Variants in EZH2 observed in about 807,000 individuals in gnomAD.
EZH2 encodes the protein enhancer of zeste 2 polycomb repressive complex 2 subunit.
In EZH2, 18 loss-of-function variants were observed where a neutral mutation model predicts 98.4. That is an observed-to-expected ratio of 0.18 (90% confidence interval 0.13 to 0.27). The LOEUF is 0.27. Ranked by LOEUF, EZH2 falls within the 10% of genes least tolerant of loss-of-function variation. The pLI is 1.00. For synonymous variants in EZH2, 338 were observed against 312.3 expected, an observed-to-expected ratio of 1.08 and a Z score of -0.87; for missense variants, 470 against 935.1, an observed-to-expected ratio of 0.50 and a Z score of 6.49.
chr7:148,827,959 A>C (rs1426210588), intron 6 of EZH2, among the ~76,000 whole-genome samples: 5 of 152,220 alleles, frequency 3.3e-5, no homozygotes, highest in Non-Finnish European at 7.3e-5. Flanking sequence ...CTACTAAAAA[A>C]TACAAAAAAT....
intron 1 of EZH2, among the ~76,000 whole-genome samples, chr7:148,882,614 A>AT (rs1821171809): frequency 6.6e-6 from 1 of 152,242 alleles, no homozygotes; most frequent in African/African-American, 2.4e-5. Context: ...GCTAATGCTT[A>AT]TGAAGAGTAA....
At chr7:148,867,899 C>G (rs1585271643) in intron 1 of EZH2, among the ~76,000 whole-genome samples, 1 of 152,160 alleles carries the variant, frequency 6.6e-6, no homozygotes, top group Non-Finnish European at 1.5e-5. Context: ...TCAACAGATC[C>G]CTAGAGCAGG....
intron 1 of EZH2, among the ~76,000 whole-genome samples, chr7:148,873,555 TCA>T (rs1166699446): frequency 0.025 from 3,305 of 134,798 alleles, 77 homozygotes; most frequent in Non-Finnish European, 0.041. Flanking sequence ...TTCATGCTCT[TCA>T]TTTTTTTTTT....
At chr7:148,836,719 A>AG in intron 3 of EZH2, 1 of 386,506 alleles carries the variant, frequency 2.6e-6, no homozygotes, top group Admixed American at 3.6e-5. Flanking sequence ...TTAAAAAAAA[A>AG]GGGGATGGGG....
chr7:148,849,880 G>A (rs1308083924), intron 1 of EZH2, among the ~76,000 whole-genome samples: 3 of 152,188 alleles, frequency 2.0e-5, no homozygotes, highest in Admixed American at 6.5e-5. Context: ...ATGATCTGTA[G>A]CCTCATTCGC....
intron 17 of EZH2, among the ~76,000 whole-genome samples, chr7:148,809,773 A>G (rs1349842419): frequency 6.6e-6 from 1 of 152,154 alleles, no homozygotes; most frequent in Non-Finnish European, 1.5e-5. Context: ...ATAGAAAAAA[A>G]CCTATTCTAC....
At chr7:148,860,909 A>T (rs1365180447) in intron 1 of EZH2, among the ~76,000 whole-genome samples, 3 of 146,008 alleles carry the variant, frequency 2.1e-5, no homozygotes, top group East Asian at 1.9e-4. Flanking sequence ...CTGGGCTCAA[A>T]CAATCACCTC....
chr7:148,881,986 AC>A (rs1821060710), intron 1 of EZH2, among the ~76,000 whole-genome samples: 1 of 151,250 alleles, frequency 6.6e-6, no homozygotes, highest in Non-Finnish European at 1.5e-5. Context: ...ACACACACAC[AC>A]ACACACACAC....
Position 148,826,643 on chromosome 7 carries a change from C to A in EZH2, c.729-11G>T, listed in dbSNP as rs1807787763. The A allele has an allele frequency of 6.9e-7, 1 of 1,444,318 alleles. No homozygotes were observed. 89.5% of individuals were successfully genotyped at this position (1,444,318 alleles called of 1,614,324 possible). On this transcript the variant is annotated splice_polypyrimidine_tract_variant and intron_variant, in intron 7 of 19. Transcript: ENST00000320356. ...GTGAGTTCTTTATATCTGACATTAA[C>A]CAAGAAAAATTTAAGTAAACATGAA... is the stretch of plus-strand genomic sequence containing the variant.
chr7:148,809,243 GA>G, intron 18 of EZH2, 66 bp downstream of exon 18: 1 of 1,585,030 alleles, frequency 6.3e-7, no homozygotes, highest in East Asian at 2.2e-5. Flanking sequence ...AACTATCCCA[GA>G]AGTATTCAAG....
intron 17 of EZH2, 167 bp downstream of exon 17, chr7:148,810,166 G>T: frequency 2.0e-6 from 1 of 499,300 alleles, no homozygotes; most frequent in Non-Finnish European, 3.7e-6. Flanking sequence ...TGCTCCCTGA[G>T]GAATTCCTTG....
At chr7:148,871,196 G>A (rs895366705) in intron 1 of EZH2, among the ~76,000 whole-genome samples, 1 of 151,992 alleles carries the variant, frequency 6.6e-6, no homozygotes, top group South Asian at 2.1e-4. Flanking sequence ...AAAATAACAA[G>A]TGTTGGCAAG....
At position 148,866,563 on chromosome 7, in the gene EZH2, CAT is replaced by C. The variant is rs56120446; in HGVS notation, c.-8+17599_-8+17600del. 9.4e-3 allele frequency among the ~76,000 whole-genome samples: 1,148 copies of C among 122,728 alleles called. 28 individuals are homozygous for C. The highest frequency in any genetic ancestry group is 0.034 in the African/African-American group (1,082 of 32,284). The allele number at this position is 122,728 out of a possible 152,430, so 80.5% of individuals were successfully genotyped here. A position where few individuals can be genotyped will look rare whatever the true frequency, so the allele number is the denominator to read the frequency against. ...GTATATACATATATATACATATATACATATATATACGTATATACATATATTGT... is the reference window on the plus strand; with the variant it reads ...GTATATACATATATATACATATATACATATATACGTATATACATATATTGT... On this transcript the variant is annotated intron_variant, in intron 1 of 19. Transcript: ENST00000320356.
intron 19 of EZH2, among the ~76,000 whole-genome samples, chr7:148,808,121 C>T (rs1350000241): frequency 6.6e-6 from 1 of 152,192 alleles, no homozygotes; most frequent in Non-Finnish European, 1.5e-5. Context: ...GAGCAGCCCG[C>T]CAGTTGCTCC....
chr7:148,847,454 C>A, intron 1 of EZH2, 149 bp from the exon 2 acceptor site: 1 of 970,234 alleles, frequency 1.0e-6, no homozygotes, highest in Non-Finnish European at 1.6e-6. Context: ...ATTTGTGCTG[C>A]ATGGTTAAAT....
chr7:148,834,352 T>TATATATACACACACAC (rs1321608007), intron 3 of EZH2, among the ~76,000 whole-genome samples: 2 of 143,320 alleles, frequency 1.4e-5, no homozygotes, highest in African/African-American at 5.2e-5. Flanking sequence ...TATATATATA[T>TATATATACACACACAC]ACACACACAC....
intron 12 of EZH2, 108 bp downstream of exon 12, chr7:148,816,576 G>A (rs1171724846): frequency 4.0e-6 from 3 of 754,660 alleles, no homozygotes; most frequent in South Asian, 1.7e-5. Context: ...GCAGTTTAAG[G>A]TTTTTTAAAA....
chr7:148,829,538 C>A (rs1808723576), intron 5 of EZH2, among the ~76,000 whole-genome samples, 190 bp downstream of exon 5: 1 of 152,212 alleles, frequency 6.6e-6, no homozygotes, highest in African/African-American at 2.4e-5. Context: ...ATCCTCCTAA[C>A]TAATTTTCCC....
At chr7:148,854,558 T>A (rs189725747) in intron 1 of EZH2, among the ~76,000 whole-genome samples, 53 of 152,366 alleles carry the variant, frequency 3.5e-4, no homozygotes, top group African/African-American at 1.2e-3. Flanking sequence ...AAACTACATG[T>A]ACTATTTATC....
Sources: allele counts gnomAD v4.1 joint callset (sites outside exome capture counted in the v4.1 genomes callset), GRCh38; gene constraint gnomAD v4.1.1; transcripts MANE v1.5; gene names NCBI Gene and HGNC (gene_info 2026-07-23, HGNC 2026-07-21).